DMD: variants seen among roughly 807,000 people sequenced by gnomAD.
DMD encodes the protein mutant dystrophin.
A neutral mutation model predicts 330.1 loss-of-function variants in DMD; 63 were observed. The ratio of observed to expected loss-of-function variants is 0.19; its 90% confidence interval spans 0.16 to 0.24. The LOEUF (loss-of-function observed/expected upper bound fraction) is 0.24. Ranked by LOEUF, DMD falls within the 10% of genes least tolerant of loss-of-function variation. DMD has a pLI of 1.00. For synonymous variants in DMD, 1,223 were observed against 959.8 expected (o/e 1.27, Z -5.07); for missense variants, 3,344 against 2,684.1 (o/e 1.25, Z -5.43).
At chrX:31,757,940 G>C (rs2089258501) in intron 51 of DMD, among the ~76,000 whole-genome samples, 1 of 110,268 alleles carries the variant, frequency 9.1e-6, no homozygotes, top group African/African-American at 3.3e-5. Flanking sequence ...ACTTCTGAAG[G>C]GTCATTCCAG....
Position 33,135,632 on chromosome X carries a change from C to T in DMD, c.31+75650G>A, listed in dbSNP as rs1260032726. On this transcript the variant is annotated intron_variant, in intron 1 of 78. Coordinates refer to ENST00000357033, the MANE Select transcript of DMD (RefSeq NM_004006.3). ...TGCTAAAATACTAAAATGTATTATT[C>T]TTAGTGGTTAAAAACCTAGGCTCTG... 2.7e-5 allele frequency among the ~76,000 whole-genome samples: 3 copies of T among 111,813 alleles called. No homozygotes were observed. The East Asian group carries it at 8.5e-4, about 32-fold the overall frequency.
intron 7 of DMD, among the ~76,000 whole-genome samples, chrX:32,725,463 T>G (rs775829303): frequency 9.0e-6 from 1 of 110,616 alleles, no homozygotes; most frequent in South Asian, 3.7e-4. Flanking sequence ...TCCATGCCAA[T>G]GGAAACCAAA....
chrX:31,713,746 G>GC (rs2084815107), intron 52 of DMD, among the ~76,000 whole-genome samples: 1 of 111,351 alleles, frequency 9.0e-6, no homozygotes, highest in South Asian at 3.7e-4. Context: ...ACACTGTAAT[G>GC]AAAGAGGCTG....
intron 30 of DMD, among the ~76,000 whole-genome samples, chrX:32,392,087 T>G (rs1446497944): frequency 5.4e-5 from 6 of 111,540 alleles, no homozygotes; most frequent in Non-Finnish European, 1.1e-4. Flanking sequence ...CTTCGAATTG[T>G]GTCACATATA....
At chrX:33,295,016 A>G (rs1215474968) in intron 1 of DMD, among the ~76,000 whole-genome samples, 1 of 111,552 alleles carries the variant, frequency 9.0e-6, no homozygotes, top group Non-Finnish European at 1.9e-5. Flanking sequence ...TTTTACAATG[A>G]AAAGCAACAG....
At chrX:32,526,537 T>C (rs916384198) in intron 17 of DMD, among the ~76,000 whole-genome samples, 2 of 111,243 alleles carry the variant, frequency 1.8e-5, no homozygotes, top group African/African-American at 6.5e-5. Context: ...ATACCAAATA[T>C]TCAGAGAGTG....
chrX:32,726,630 C>T (rs1049949415), intron 7 of DMD, among the ~76,000 whole-genome samples: 6 of 110,716 alleles, frequency 5.4e-5, no homozygotes, highest in Non-Finnish European at 1.1e-4. Context: ...ACCTTTAAGT[C>T]TGAAATTAAT....
rs1420716963 is a variant in DMD, at chrX:31,261,648, T to C, written c.9225-632A>G. 1 of 112,456 alleles carries C rather than the reference T, an allele frequency of 8.9e-6. No homozygotes were observed. Among genetic ancestry groups the C allele is most frequent in the Non-Finnish European group, 1.9e-5 (1 of 53,546 alleles). 9.3% of individuals were successfully genotyped at this position (112,456 alleles called of 1,213,427 possible). ...GCAGTACGCTATACACCACTACACC[T>C]CTTCCTATATTTACTTGGGCCTGAA... On this transcript the variant is annotated intron_variant, in intron 62 of 78. Transcript: ENST00000357033.
At chrX:32,916,417 T>C (rs1490185041) in intron 2 of DMD, among the ~76,000 whole-genome samples, 1 of 111,759 alleles carries the variant, frequency 8.9e-6, no homozygotes, top group East Asian at 2.8e-4. Flanking sequence ...GATTCCAATG[T>C]CCAGAAAAGA....
chrX:32,677,374 A>G (rs1211647196), intron 9 of DMD, among the ~76,000 whole-genome samples: 1 of 111,757 alleles, frequency 8.9e-6, no homozygotes, highest in African/African-American at 3.2e-5. Context: ...GTATATTCAC[A>G]TGTGCATATT....
chrX:31,821,864 C>CA (rs905343840), intron 49 of DMD, among the ~76,000 whole-genome samples: 4 of 111,998 alleles, frequency 3.6e-5, no homozygotes, highest in Admixed American at 1.9e-4. Flanking sequence ...TCTGAAGAAT[C>CA]AGAGTTGGAA....
chrX:33,169,789 G>C (rs1569557188), intron 1 of DMD, among the ~76,000 whole-genome samples: 1 of 110,663 alleles, frequency 9.0e-6, no homozygotes, highest in Non-Finnish European at 1.9e-5. Flanking sequence ...CCTGTCACCT[G>C]AGTAGGGTAT....
At chrX:31,177,819 G>T in intron 71 of DMD, 113 bp downstream of exon 71, 1 of 693,476 alleles carries the variant, frequency 1.4e-6, no homozygotes, top group Non-Finnish European at 2.2e-6. Context: ...GAATTAATAT[G>T]TCCATAAAAC....
intron 2 of DMD, among the ~76,000 whole-genome samples, chrX:32,874,205 T>C (rs1014374779): frequency 8.9e-6 from 1 of 112,319 alleles, no homozygotes; most frequent in African/African-American, 3.2e-5. Flanking sequence ...TTCATGTCTT[T>C]TTCTTAAATC....
intron 41 of DMD, among the ~76,000 whole-genome samples, chrX:32,320,667 T>C (rs2097608452): frequency 8.9e-6 from 1 of 112,034 alleles, no homozygotes; most frequent in Admixed American, 9.5e-5. Context: ...TGTCTAGTAC[T>C]TAATGTGGTT....
chrX:33,088,203 G>A (rs1327108280), intron 1 of DMD, among the ~76,000 whole-genome samples: 1 of 110,918 alleles, frequency 9.0e-6, no homozygotes, highest in African/African-American at 3.3e-5. Context: ...TTACAGGCAT[G>A]CAGCTAATTT....
At chrX:32,907,152 T>C (rs1340173179) in intron 2 of DMD, among the ~76,000 whole-genome samples, 1 of 112,049 alleles carries the variant, frequency 8.9e-6, no homozygotes, top group Non-Finnish European at 1.9e-5. Flanking sequence ...AACTTTACAA[T>C]TGTGGAATAA....
intron 1 of DMD, among the ~76,000 whole-genome samples, chrX:33,301,244 A>G (rs1289552607): frequency 9.0e-6 from 1 of 111,458 alleles, no homozygotes; most frequent in Non-Finnish European, 1.9e-5. Context: ...GTAAGGCCTT[A>G]GGAACTGTAC....
At chrX:31,940,651 T>A (rs2094984436) in intron 45 of DMD, among the ~76,000 whole-genome samples, 1 of 106,298 alleles carries the variant, frequency 9.4e-6, no homozygotes. Flanking sequence ...GAACGGAAAG[T>A]TTCTATTATG....
Sources: allele counts gnomAD v4.1 joint callset (sites outside exome capture counted in the v4.1 genomes callset), GRCh38; gene constraint gnomAD v4.1.1; transcripts MANE v1.5; gene names NCBI Gene and HGNC (gene_info 2026-07-23, HGNC 2026-07-21).